ARAP2: variants seen among roughly 807,000 people sequenced by gnomAD.
ARAP2 encodes arf-GAP with Rho-GAP domain, ANK repeat and PH domain-containing protein 2.
Under a neutral mutation model 194.5 loss-of-function variants are expected in ARAP2, and 148 were observed. The ratio of observed to expected loss-of-function variants is 0.76; its 90% CI spans 0.67 to 0.87. The LOEUF is 0.87. Ranked by LOEUF, ARAP2 falls within the 40% of genes least tolerant of loss-of-function variation. The probability of loss-of-function intolerance (pLI) is 0.00; values close to 1 mark genes in which losing one functional copy is unlikely to be tolerated. For missense variants in ARAP2, 2,128 were observed against 1,989.7 expected (o/e 1.07, Z -1.32); for synonymous variants, 695 against 683.5 (o/e 1.02, Z -0.26).
intron 27 of ARAP2, among the ~76,000 whole-genome samples, chr4:36,095,095 T>C (rs1037276450): frequency 1.3e-5 from 2 of 152,166 alleles, no homozygotes; most frequent in African/African-American, 4.8e-5. Flanking sequence ...GAGATATTCT[T>C]TCCTTCCCAG....
At chr4:36,105,558 C>A (rs1204379310) in intron 27 of ARAP2, among the ~76,000 whole-genome samples, 1 of 151,928 alleles carries the variant, frequency 6.6e-6, no homozygotes, top group Non-Finnish European at 1.5e-5. Context: ...CACGAAAACA[C>A]CAAATCTTCC....
chr4:36,080,526 A>T (rs750994164), intron 30 of ARAP2, among the ~76,000 whole-genome samples: 8 of 152,230 alleles, frequency 5.3e-5, no homozygotes, highest in Non-Finnish European at 8.8e-5. Context: ...AAGTGCTGCA[A>T]AATGATGACC....
At chr4:36,077,929 C>A (rs1728623068) in intron 31 of ARAP2, among the ~76,000 whole-genome samples, 2 of 152,132 alleles carry the variant, frequency 1.3e-5, no homozygotes, top group African/African-American at 4.8e-5. Flanking sequence ...CCTCTCATTT[C>A]AGACTGGTCT....
At chr4:36,025,230 A>G (rs1717699951) in intron 5 of ARAP2, among the ~76,000 whole-genome samples, 2 of 152,190 alleles carry the variant, frequency 1.3e-5, no homozygotes, top group Non-Finnish European at 2.9e-5. Context: ...TTTTAAACTT[A>G]TTAGTGATAA....
chr4:36,193,549 A>G (rs1221555377), intron 7 of ARAP2, 29 bp downstream of exon 7: 12 of 1,518,242 alleles, frequency 7.9e-6, no homozygotes, highest in Non-Finnish European at 9.7e-6. Context: ...ATAAAAAAGC[A>G]ATTTTTGAAA....
At chr4:36,160,411 T>G in intron 13 of ARAP2, 48 bp downstream of exon 13, 4 of 1,419,790 alleles carry the variant, frequency 2.8e-6, no homozygotes, top group Non-Finnish European at 3.7e-6. Context: ...TGGCACATCA[T>G]TAAAAAGACA....
At chr4:36,027,351 C>G (rs1234366496) in intron 5 of ARAP2, among the ~76,000 whole-genome samples, 1 of 151,812 alleles carries the variant, frequency 6.6e-6, no homozygotes, top group South Asian at 2.1e-4. Flanking sequence ...TCCTGGCTAC[C>G]ATGCTTCCTC....
intron 28 of ARAP2, among the ~76,000 whole-genome samples, chr4:36,091,149 C>A (rs1026909066): frequency 1.3e-5 from 2 of 151,934 alleles, no homozygotes; most frequent in African/African-American, 4.8e-5. Flanking sequence ...TAAAAAAAAT[C>A]ATATATTATT....
intron 5 of ARAP2, among the ~76,000 whole-genome samples, chr4:36,039,483 T>C (rs1020943081): frequency 3.3e-5 from 5 of 152,120 alleles, no homozygotes; most frequent in Admixed American, 1.3e-4. Context: ...CCTATCTGGG[T>C]CTGTGCAGCC....
chr4:36,174,415 G>A (rs569254533), intron 9 of ARAP2, among the ~76,000 whole-genome samples: 1 of 152,274 alleles, frequency 6.6e-6, no homozygotes, highest in African/African-American at 2.4e-5. Context: ...TTGCAGCATG[G>A]TAATTAGGTA....
At chr4:36,213,180 G>C in intron 4 of ARAP2, 63 bp downstream of exon 4, 1 of 1,204,496 alleles carries the variant, frequency 8.3e-7, no homozygotes. Context: ...AAATGAAGAG[G>C]TACAAATAGG....
intron 7 of ARAP2, among the ~76,000 whole-genome samples, chr4:36,192,178 T>G (rs1024505854): frequency 2.0e-5 from 3 of 149,990 alleles, no homozygotes; most frequent in East Asian, 3.9e-4. Flanking sequence ...GTTTTTTTTT[T>G]TTTTTTTTTT....
rs183872636 is a variant in ARAP2, at chr4:36,119,697, G to A, written c.3916C>T (p.Gln1306Ter). 60 of 1,602,894 alleles carry A rather than the reference G, an allele frequency of 3.7e-5. No homozygotes were observed. The highest frequency in any genetic ancestry group is 4.8e-5 in the Non-Finnish European group (56 of 1,171,680). ...IFEVKEDQVK[Q>*]MDIENSFITK... Reference sequence around the variant, plus strand: ...ATAAAGCTATTTTCTATGTCCATTTGTTTGACTTGATCTTCTTTAACCTGT... The same window carrying A: ...ATAAAGCTATTTTCTATGTCCATTTATTTGACTTGATCTTCTTTAACCTGT... The change falls in exon 24 of 33, where the codon CAA (glutamine) becomes TAA (stop). Residue 1306 changes from glutamine to a stop codon, truncating the protein, a stop_gained. Transcript: ENST00000303965. LOFTEE classifies it high-confidence loss of function.
chr4:36,151,204 T>C (rs1045946438), intron 15 of ARAP2, among the ~76,000 whole-genome samples, 160 bp from the exon 16 acceptor site: 2 of 152,186 alleles, frequency 1.3e-5, no homozygotes, highest in African/African-American at 4.8e-5. Context: ...GGATATAAAG[T>C]TGTCACATTC....
At chr4:36,101,691 G>C (rs1716974650) in intron 27 of ARAP2, among the ~76,000 whole-genome samples, 1 of 151,924 alleles carries the variant, frequency 6.6e-6, no homozygotes, top group South Asian at 2.1e-4. Context: ...AAGTAGGGAA[G>C]ACAGGTTATA....
chr4:36,102,620 T>C (rs1204270176), intron 27 of ARAP2, among the ~76,000 whole-genome samples: 1 of 152,042 alleles, frequency 6.6e-6, no homozygotes, highest in African/African-American at 2.4e-5. Flanking sequence ...AATTACCCAG[T>C]TGAACTACTT....
At chr4:36,082,834 T>C (rs1202698046) in intron 29 of ARAP2, among the ~76,000 whole-genome samples, 1 of 152,018 alleles carries the variant, frequency 6.6e-6, no homozygotes, top group Non-Finnish European at 1.5e-5. Flanking sequence ...GTACATGAAG[T>C]GTTAAAGAGG....
chr4:36,011,142 CT>C (rs1194616340), intron 9 of ARAP2, among the ~76,000 whole-genome samples: 1 of 152,048 alleles, frequency 6.6e-6, no homozygotes, highest in African/African-American at 2.4e-5. Flanking sequence ...CCTACCAAAC[CT>C]ACGATGGACT....
chr4:36,221,484 C>T (rs1010805239), intron 2 of ARAP2, among the ~76,000 whole-genome samples: 1 of 151,858 alleles, frequency 6.6e-6, no homozygotes, highest in Non-Finnish European at 1.5e-5. Flanking sequence ...CAGTCTTGTT[C>T]CTCACCCAGG....
Sources: allele counts gnomAD v4.1 joint callset (sites outside exome capture counted in the v4.1 genomes callset), GRCh38; gene constraint gnomAD v4.1.1; transcripts MANE v1.5; gene names NCBI Gene and HGNC (gene_info 2026-07-23, HGNC 2026-07-21).